Variants in RGS6 observed in about 807,000 individuals in gnomAD.
RGS6 encodes the protein regulator of G protein signaling 6, also known as regulator of G-protein signaling 6.
Under a neutral mutation model 78.5 loss-of-function variants are expected in RGS6, and 30 were observed. The observed-to-expected ratio is 0.38, with a 90% CI of 0.29 to 0.52. RGS6 has a LOEUF of 0.52. RGS6 is among the 20% of genes least tolerant of loss of function. RGS6 has a pLI of 0.85. For missense variants in RGS6, 495 were observed against 609.7 expected, an observed-to-expected ratio of 0.81 and a Z score of 1.98; for synonymous variants, 206 against 206.0, an observed-to-expected ratio of 1.00 and a Z score of 0.00.
At chr14:72,314,318 T>G (rs763223777) in intron 2 of RGS6, among the ~76,000 whole-genome samples, 10 of 152,288 alleles carry the variant, frequency 6.6e-5, no homozygotes, top group Non-Finnish European at 1.0e-4. Flanking sequence ...AATCACAAGA[T>G]GGCTGCTGTG....
chr14:71,987,196 C>T (rs888309031), intron 2 of RGS6, among the ~76,000 whole-genome samples: 5 of 152,082 alleles, frequency 3.3e-5, no homozygotes, highest in East Asian at 3.9e-4. Flanking sequence ...GGAGGAGGTA[C>T]GCTGAAGTTT....
Position 72,422,083 on chromosome 14 carries a change from G to A in RGS6, c.185-32445G>A, listed in dbSNP as rs369399526. The stretch of plus-strand genomic sequence containing the variant: ...GAGATATGATGGTATCATAATGGGG[G>A]GAGGTTCCCCTGCACAAGCTCTCCC... On this transcript the variant is annotated intron_variant, in intron 3 of 17. Transcript: ENST00000553525. 1.4e-3 allele frequency among the ~76,000 whole-genome samples: 214 copies of A among 152,206 alleles called. 2 individuals are homozygous for A. Among genetic ancestry groups the A allele is most frequent in the African/African-American group, 4.2e-3 (174 of 41,484 alleles).
intron 2 of RGS6, among the ~76,000 whole-genome samples, chr14:72,193,974 C>G (rs1052487731): frequency 1.1e-4 from 16 of 152,100 alleles, no homozygotes; most frequent in Non-Finnish European, 8.8e-5. Flanking sequence ...GGAACATGAA[C>G]TGACTTATGC....
At chr14:72,624,333 C>CTTTTT in the RGS6 span, among the ~76,000 whole-genome samples, 900 of 97,736 alleles carry the variant, frequency 9.2e-3, 9 homozygotes, top group Non-Finnish European at 0.015. Context: ...ACCTATGTCT[C>CTTTTT]TTTTTTTTTT....
At chr14:72,490,279 G>A (rs1188399514) in intron 12 of RGS6, among the ~76,000 whole-genome samples, 2 of 152,216 alleles carry the variant, frequency 1.3e-5, no homozygotes, top group African/African-American at 4.8e-5. Flanking sequence ...TGCCATCCAT[G>A]TAAGACATGA....
chr14:72,085,166 C>T (rs117552446), intron 2 of RGS6, among the ~76,000 whole-genome samples: 9 of 152,176 alleles, frequency 5.9e-5, no homozygotes, highest in African/African-American at 9.6e-5. Flanking sequence ...AACAGTAAGG[C>T]GTGAGGGTAA....
At chr14:72,138,382 CTGGTAGAATT>C (rs2096482269) in intron 2 of RGS6, among the ~76,000 whole-genome samples, 1 of 149,064 alleles carries the variant, frequency 6.7e-6, no homozygotes. Flanking sequence ...CGTTCTTCCT[CTGGTAGAATT>C]ATATTTGCAT....
chr14:72,402,727 A>G (rs1004249370), intron 3 of RGS6, among the ~76,000 whole-genome samples: 7 of 151,576 alleles, frequency 4.6e-5, no homozygotes, highest in Non-Finnish European at 8.8e-5. Context: ...GAACTACCAT[A>G]CAACCCAGCA....
the RGS6 span, among the ~76,000 whole-genome samples, chr14:71,900,272 C>T: frequency 6.6e-6 from 1 of 152,172 alleles, no homozygotes; most frequent in Non-Finnish European, 1.5e-5. Context: ...CCTCAGGCTC[C>T]TGGCTGCTAC....
chr14:71,970,754 C>G (rs2093751415), intron 2 of RGS6, among the ~76,000 whole-genome samples: 1 of 152,110 alleles, frequency 6.6e-6, no homozygotes, highest in African/African-American at 2.4e-5. Context: ...CCTGAATGAG[C>G]CCACAGGCCA....
chr14:72,161,882 C>T (rs931364961), intron 2 of RGS6, among the ~76,000 whole-genome samples: 3 of 152,138 alleles, frequency 2.0e-5, no homozygotes, highest in African/African-American at 7.2e-5. Context: ...TCTTTGTTTT[C>T]TTCTTGTTCT....
chr14:72,501,456 A>G (rs2096725291), intron 13 of RGS6, among the ~76,000 whole-genome samples: 1 of 152,206 alleles, frequency 6.6e-6, no homozygotes, highest in Admixed American at 6.5e-5. Context: ...TATGCAACAT[A>G]GTGAGCTGTG....
chr14:71,974,206 T>A (rs914945890), intron 2 of RGS6, among the ~76,000 whole-genome samples: 1 of 151,636 alleles, frequency 6.6e-6, no homozygotes, highest in Non-Finnish European at 1.5e-5. Flanking sequence ...GAAAAAAAAA[T>A]AAAAGCGAAT....
chr14:72,019,282 A>T (rs2087818394), intron 2 of RGS6, among the ~76,000 whole-genome samples: 2 of 152,136 alleles, frequency 1.3e-5, no homozygotes, highest in Admixed American at 1.3e-4. Flanking sequence ...ACCTTTCCTA[A>T]AGGTAACTAC....
chr14:72,548,342 T>TGTGC (rs796698263), intron 17 of RGS6, among the ~76,000 whole-genome samples: 4 of 134,744 alleles, frequency 3.0e-5, no homozygotes, highest in East Asian at 2.5e-4. Flanking sequence ...TGTGTGTGTG[T>TGTGC]GCGCGCGTGT....
chr14:72,169,021 G>GCCACCA (rs1216704887), intron 2 of RGS6, among the ~76,000 whole-genome samples: 3 of 152,294 alleles, frequency 2.0e-5, no homozygotes, highest in South Asian at 2.1e-4. Flanking sequence ...CACTGCCACT[G>GCCACCA]CCACCACCAC....
the RGS6 span, among the ~76,000 whole-genome samples, chr14:72,600,295 G>T: frequency 6.6e-6 from 1 of 151,938 alleles, no homozygotes; most frequent in Non-Finnish European, 1.5e-5. Flanking sequence ...CTCCCCAGGC[G>T]ATTCTGGGCT....
At chr14:72,091,954 C>T (rs2095281451) in intron 2 of RGS6, among the ~76,000 whole-genome samples, 1 of 152,206 alleles carries the variant, frequency 6.6e-6, no homozygotes, top group Non-Finnish European at 1.5e-5. Flanking sequence ...TATTACCTTC[C>T]TACAGAAAGA....
At chr14:72,609,472 C>T in the RGS6 span, among the ~76,000 whole-genome samples, 7 of 152,296 alleles carry the variant, frequency 4.6e-5, no homozygotes, top group Non-Finnish European at 8.8e-5. Context: ...ACCATCATGT[C>T]CCCTTAGGAT....
Sources: gnomAD v4.1 joint callset for allele counts (sites outside exome capture counted in the v4.1 genomes callset) on GRCh38, gnomAD v4.1.1 for gene constraint, MANE v1.5 for transcripts, NCBI Gene and HGNC (gene_info 2026-07-23, HGNC 2026-07-21) for gene names.